Variants in PPP4C observed in about 807,000 individuals in gnomAD.
The protein encoded by PPP4C is serine/threonine-protein phosphatase 4 catalytic subunit.
PPP4C carries 10 observed loss-of-function variants against 40.5 expected under a neutral mutation model. The observed-to-expected ratio is 0.25, with a 90% CI of 0.15 to 0.42. The LOEUF is 0.42. PPP4C is among the 10% of genes least tolerant of loss of function. The probability of loss-of-function intolerance (pLI) is 1.00; values close to 1 mark genes in which losing one functional copy is unlikely to be tolerated. For synonymous variants in PPP4C, 187 were observed against 163.6 expected, an observed-to-expected ratio of 1.14 and a Z score of -1.09; for missense variants, 191 against 416.4, an observed-to-expected ratio of 0.46 and a Z score of 4.71.
intron 2 of PPP4C, 164 bp from the exon 3 acceptor site, chr16:30,081,095 A>G: frequency 2.3e-6 from 2 of 883,340 alleles, no homozygotes; most frequent in Non-Finnish European, 3.6e-6. Context: ...AGGGTGTTGC[A>G]TGCTGAAGGG....
At position 30,076,052 on chromosome 16, in the gene PPP4C, G is replaced by A; in HGVS notation, c.-106G>A. The A allele has an allele frequency of 2.3e-6, 1 of 427,304 alleles. No homozygotes were observed. Among genetic ancestry groups the A allele is most frequent in the Non-Finnish European group, 4.2e-6 (1 of 238,556 alleles). The allele number at this position is 427,304 out of a possible 1,614,324, so 26.5% of individuals were successfully genotyped here. On this transcript the variant is annotated 5_prime_UTR_variant, in exon 1 of 9. Coordinates refer to ENST00000279387, the MANE Select transcript of PPP4C (RefSeq NM_002720.3). ...GGCGGTCGAAAGCGGAGTGAAAGAG[G>A]GAGGCAGGGAGCCGGAGAGCCGGAA...
intron 5 of PPP4C, 48 bp downstream of exon 5, chr16:30,082,895 G>A (rs200363671): frequency 1.5e-5 from 23 of 1,524,864 alleles, no homozygotes; most frequent in South Asian, 2.3e-5. Flanking sequence ...ACCTCGGGCC[G>A]GGCCTGTCTT....
chr16:30,083,487 A>G lies in PPP4C; in HGVS notation c.397A>G (p.Lys133Glu). The G allele has an allele frequency of 6.2e-7, 1 of 1,614,158 alleles. No individual in the cohort carries two copies. The highest frequency in any genetic ancestry group is 8.5e-7 in the Non-Finnish European group (1 of 1,180,010). ...VYGFYDECLRKYGSVTVWRYC... is the reference protein window; with the variant it reads ...VYGFYDECLREYGSVTVWRYC... ...TGGCTTCTACGATGAGTGCCTGCGC[A>G]AGTACGGCTCGGTGACTGTGTGGCG... The change falls in exon 6 of 9, where the codon AAG becomes GAG. Residue 133 changes from lysine to glutamate, a missense_variant. Around this residue, in one of 3 missense-constraint regions of PPP4C, gnomAD observed 171 missense variants for 352.4 expected, o/e 0.49. Transcript: ENST00000279387. The surrounding 1 kb of genome is among the most constrained non-coding windows in gnomAD (Gnocchi z 6.3).
chr16:30,081,923 T>C (rs908750378), intron 3 of PPP4C, among the ~76,000 whole-genome samples: 5 of 149,038 alleles, frequency 3.4e-5, no homozygotes, highest in African/African-American at 1.2e-4. Flanking sequence ...GGTGTGGTGG[T>C]GGACACCTGT....
At position 30,076,134 on chromosome 16, in the gene PPP4C, C is replaced by G; in HGVS notation, c.-64+40C>G. 1.1e-5 allele frequency: 6 copies of G among 547,948 alleles called. No homozygotes were observed. The South Asian group carries it at 1.3e-4, about 12-fold the overall frequency. The allele number at this position is 547,948 out of a possible 1,614,324, so 33.9% of individuals were successfully genotyped here. On this transcript the variant is annotated intron_variant, in intron 1 of 8. Transcript: ENST00000279387. ...CTCCTCTAAGTCACCGTCCTTAGCG[C>G]GGGACCGCGGGGTTCGACGGGAGTT...
Position 30,076,377 on chromosome 16 carries a change from C to A in PPP4C, c.-1C>A. On this transcript the variant is annotated 5_prime_UTR_variant, in exon 2 of 9. Coordinates refer to ENST00000279387, the MANE Select transcript of PPP4C (RefSeq NM_002720.3). ...ACTCTGACCCGCGCCGGGGGTGGGC[C>A]ATGGCGGAGATCAGCGACCTGGACC... The A allele has an allele frequency of 6.2e-7, 1 of 1,612,710 alleles. No homozygotes were observed. The highest frequency in any genetic ancestry group is 8.5e-7 in the Non-Finnish European group (1 of 1,179,628).
intron 5 of PPP4C, 132 bp downstream of exon 5, chr16:30,082,979 T>G (rs1363617282): frequency 1.8e-5 from 14 of 790,880 alleles, no homozygotes; most frequent in Non-Finnish European, 2.6e-5. Context: ...GGACCGATTC[T>G]GCTTTTGGGG....
chr16:30,078,203 A>T (rs1274307505), intron 2 of PPP4C, among the ~76,000 whole-genome samples: 2 of 152,206 alleles, frequency 1.3e-5, no homozygotes, highest in African/African-American at 4.8e-5. Flanking sequence ...TCGTATATTC[A>T]GTCTCCATGG....
At chr16:30,076,508 A>C (rs1362014057) in intron 2 of PPP4C, 33 bp downstream of exon 2, 4 of 1,577,670 alleles carry the variant, frequency 2.5e-6, no homozygotes, top group Admixed American at 1.8e-5. Flanking sequence ...AGGGAGGCCA[A>C]GCCGCCGCCC....
intron 3 of PPP4C, 95 bp downstream of exon 3, chr16:30,081,405 C>A: frequency 3.0e-6 from 3 of 1,005,426 alleles, no homozygotes; most frequent in South Asian, 1.3e-5. Flanking sequence ...CAACCCTAAG[C>A]TCTTTTATCT....
intron 7 of PPP4C, among the ~76,000 whole-genome samples, chr16:30,084,203 A>G (rs989521538): frequency 6.6e-6 from 1 of 152,140 alleles, no homozygotes; most frequent in Non-Finnish European, 1.5e-5. Context: ...GCGCAGACAC[A>G]CACACACATA....
intron 2 of PPP4C, among the ~76,000 whole-genome samples, chr16:30,080,544 T>C (rs1467719589): frequency 1.4e-5 from 2 of 146,174 alleles, no homozygotes; most frequent in East Asian, 4.1e-4. Context: ...TCTTGCTCTG[T>C]CGCCCAGGCT....
Position 30,076,407 on chromosome 16 carries a change from G to C in PPP4C, c.30G>C (p.Gln10His). 2 of 1,613,326 alleles carry C rather than the reference G, an allele frequency of 1.2e-6. No homozygotes were observed. The highest frequency in any genetic ancestry group is 2.2e-5 in the East Asian group (1 of 44,874). MAEISDLDR[Q>H]IEQLRRCELI... is the part of the protein sequence containing the mutation. The stretch of plus-strand genomic sequence containing the variant: ...CGGAGATCAGCGACCTGGACCGGCA[G>C]ATCGAGCAGCTGCGTCGCTGCGAGC... The change falls in exon 2 of 9, where the codon CAG becomes CAC. Residue 10 changes from glutamine (Q) to histidine (H), a missense_variant. Transcript: ENST00000279387.
At chr16:30,078,288 C>G (rs932832246) in intron 2 of PPP4C, among the ~76,000 whole-genome samples, 1 of 152,180 alleles carries the variant, frequency 6.6e-6, no homozygotes, top group Non-Finnish European at 1.5e-5. Context: ...GGAAACTGAG[C>G]CTTTGAGTAG....
chr16:30,078,450 A>C (rs576530447), intron 2 of PPP4C, among the ~76,000 whole-genome samples: 2 of 152,256 alleles, frequency 1.3e-5, no homozygotes, highest in African/African-American at 4.8e-5. Flanking sequence ...TGGAAGGCTG[A>C]GGGGTGGAGG....
intron 2 of PPP4C, among the ~76,000 whole-genome samples, chr16:30,080,174 G>A (rs977340303): frequency 6.6e-6 from 1 of 151,624 alleles, no homozygotes; most frequent in Non-Finnish European, 1.5e-5. Context: ...GTGAAATCTC[G>A]ACTCTACTAA....
At position 30,076,356 on chromosome 16, in the gene PPP4C, T is replaced by A; in HGVS notation, c.-22T>A. On this transcript the variant is annotated 5_prime_UTR_variant, in exon 2 of 9. Coordinates refer to ENST00000279387, the MANE Select transcript of PPP4C (RefSeq NM_002720.3). Reference sequence around the variant, plus strand: ...GCGGAGGGGGCGGCGGCCCCGACTCTGACCCGCGCCGGGGGTGGGCCATGG... The same window carrying A: ...GCGGAGGGGGCGGCGGCCCCGACTCAGACCCGCGCCGGGGGTGGGCCATGG... 2 of 1,610,768 alleles carry A rather than the reference T, an allele frequency of 1.2e-6. No individual in the cohort carries two copies. Among genetic ancestry groups the A allele is most frequent in the South Asian group, 1.1e-5 (1 of 90,894 alleles).
chr16:30,084,342 C>G (rs1325123017), intron 7 of PPP4C, among the ~76,000 whole-genome samples: 2 of 152,256 alleles, frequency 1.3e-5, no homozygotes, highest in Admixed American at 6.5e-5. Flanking sequence ...CACTCCGGAC[C>G]TCCCTGTGAC....
chr16:30,083,337 G>A lies in PPP4C; in HGVS notation c.304-57G>A. The A allele has an allele frequency of 1.3e-6, 2 of 1,564,422 alleles. No individual in the cohort carries two copies. The highest frequency in any genetic ancestry group is 1.7e-6 in the Non-Finnish European group (2 of 1,153,106). ...GGCTGGCGGGCACGAGGAGGTCAGAGAGGGATGTGTGGAGAGACCGTCTAG... is the reference window on the plus strand; with the variant it reads ...GGCTGGCGGGCACGAGGAGGTCAGAAAGGGATGTGTGGAGAGACCGTCTAG... On this transcript the variant is annotated intron_variant, in intron 5 of 8. Coordinates refer to ENST00000279387, the MANE Select transcript of PPP4C (RefSeq NM_002720.3). This position sits in a 1 kb window ranked among gnomAD's most constrained non-coding sequence, Gnocchi z 6.3.
Sources: allele counts gnomAD v4.1 joint callset (sites outside exome capture counted in the v4.1 genomes callset), GRCh38; gene constraint gnomAD v4.1.1; regional missense constraint gnomAD v4.1.1; non-coding constraint Gnocchi (gnomAD v3.1); transcripts MANE v1.5; gene names NCBI Gene and HGNC (gene_info 2026-07-23, HGNC 2026-07-21).